The following GRID1 variants were observed in gnomAD, a reference collection of about 807,000 sequenced individuals.
The protein encoded by GRID1 is glutamate ionotropic receptor delta type subunit 1.
Under a neutral mutation model 98.0 loss-of-function variants are expected in GRID1, and 28 were observed. The ratio of observed to expected loss-of-function variants is 0.29; its 90% CI spans 0.21 to 0.39. The LOEUF (loss-of-function observed/expected upper bound fraction) is 0.39. GRID1 is among the 10% of genes least tolerant of loss of function. GRID1 has a pLI of 1.00. For missense variants in GRID1, 1,111 were observed against 1,340.5 expected, an observed-to-expected ratio of 0.83 and a Z score of 2.67; for synonymous variants, 553 against 538.5, an observed-to-expected ratio of 1.03 and a Z score of -0.37.
chr10:85,652,500 G>A (rs1044246291), intron 12 of GRID1, among the ~76,000 whole-genome samples: 2 of 152,178 alleles, frequency 1.3e-5, no homozygotes, highest in Non-Finnish European at 2.9e-5. Flanking sequence ...AGAATGTGGT[G>A]GAGTGGCTCA....
intron 8 of GRID1, among the ~76,000 whole-genome samples, chr10:85,848,729 T>C (rs1470491526): frequency 2.0e-5 from 3 of 152,232 alleles, no homozygotes; most frequent in Non-Finnish European, 4.4e-5. Flanking sequence ...TTAATGGGTA[T>C]GTATTGATAA....
chr10:85,860,100 C>T (rs1013234364), intron 6 of GRID1, among the ~76,000 whole-genome samples: 3 of 152,176 alleles, frequency 2.0e-5, no homozygotes, highest in African/African-American at 2.4e-5. Flanking sequence ...GGGCCAACAG[C>T]CCAGGCTGGA....
chr10:85,754,682 T>C (rs966321657), intron 8 of GRID1, among the ~76,000 whole-genome samples: 1 of 152,224 alleles, frequency 6.6e-6, no homozygotes, highest in Admixed American at 6.5e-5. Context: ...ACTTCTCATT[T>C]CCTTGACTTA....
intron 8 of GRID1, among the ~76,000 whole-genome samples, chr10:85,843,694 C>A (rs1917152): frequency 0.33 from 50,781 of 151,788 alleles, 9,128 homozygotes; most frequent in African/African-American, 0.45. Context: ...ACATAAAAAA[C>A]ATTCAACACC....
intron 12 of GRID1, among the ~76,000 whole-genome samples, chr10:85,661,633 G>A (rs1469968158): frequency 6.6e-6 from 1 of 152,114 alleles, no homozygotes; most frequent in Non-Finnish European, 1.5e-5. Context: ...TCACACCAAG[G>A]CTACAGCCAC....
chr10:86,322,607 C>T (rs1314926272), intron 2 of GRID1, among the ~76,000 whole-genome samples: 4 of 151,750 alleles, frequency 2.6e-5, no homozygotes, highest in Non-Finnish European at 5.9e-5. Context: ...TGTGGGGTTT[C>T]ACCAAGTTGG....
chr10:86,350,772 T>C (rs1448792900), intron 2 of GRID1, among the ~76,000 whole-genome samples: 1 of 152,194 alleles, frequency 6.6e-6, no homozygotes, highest in Non-Finnish European at 1.5e-5. Context: ...ACCTCAAACA[T>C]TCATCATTTC....
At chr10:85,854,738 A>G in intron 7 of GRID1, 123 bp from the exon 8 acceptor site, 3 of 901,556 alleles carry the variant, frequency 3.3e-6, no homozygotes, top group Non-Finnish European at 3.5e-6. Flanking sequence ...GACCATGGAC[A>G]GGCTGTAATG....
At chr10:86,140,185 C>T (rs66544556) in intron 3 of GRID1, among the ~76,000 whole-genome samples, 6,496 of 152,274 alleles carry the variant, frequency 0.043, 147 homozygotes, top group Non-Finnish European at 0.054. Flanking sequence ...TTGTGTCTGG[C>T]CCATCCTTGC....
chr10:85,982,204 A>AT (rs1842553014), intron 4 of GRID1, among the ~76,000 whole-genome samples: 1 of 152,014 alleles, frequency 6.6e-6, no homozygotes, highest in African/African-American at 2.4e-5. Flanking sequence ...AAAAAAAAAA[A>AT]AAAAATTGGG....
At chr10:86,252,445 C>T (rs1329997668) in intron 2 of GRID1, among the ~76,000 whole-genome samples, 2 of 152,212 alleles carry the variant, frequency 1.3e-5, no homozygotes, top group Non-Finnish European at 2.9e-5. Context: ...ACTCATCACA[C>T]TGCACTGTAA....
At chr10:86,032,067 T>C (rs1272444995) in intron 4 of GRID1, among the ~76,000 whole-genome samples, 2 of 152,236 alleles carry the variant, frequency 1.3e-5, no homozygotes, top group Non-Finnish European at 2.9e-5. Context: ...TATATCTATG[T>C]GGTTATCTGG....
chr10:86,175,229 T>A (rs1197055654), intron 3 of GRID1, among the ~76,000 whole-genome samples: 1 of 152,018 alleles, frequency 6.6e-6, no homozygotes, highest in Non-Finnish European at 1.5e-5. Context: ...TAGCCGCAGA[T>A]AGACTGTCTC....
chr10:86,095,352 G>A (rs908087638), intron 4 of GRID1, among the ~76,000 whole-genome samples: 1 of 152,130 alleles, frequency 6.6e-6, no homozygotes, highest in Non-Finnish European at 1.5e-5. Context: ...AAGATAAAAA[G>A]CTGGGAACTA....
intron 2 of GRID1, among the ~76,000 whole-genome samples, chr10:86,290,717 A>G (rs1847500267): frequency 6.6e-6 from 1 of 152,200 alleles, no homozygotes; most frequent in Non-Finnish European, 1.5e-5. Context: ...CCACAAAGAT[A>G]AAGCATGAAA....
intron 4 of GRID1, among the ~76,000 whole-genome samples, chr10:86,069,841 A>G (rs1843777754): frequency 6.6e-6 from 1 of 152,146 alleles, no homozygotes; most frequent in Non-Finnish European, 1.5e-5. Flanking sequence ...CTGGGGTGTG[A>G]TGTGTAGATA....
At chr10:86,079,938 G>A (rs781058484) in intron 4 of GRID1, among the ~76,000 whole-genome samples, 2 of 152,216 alleles carry the variant, frequency 1.3e-5, no homozygotes, top group African/African-American at 2.4e-5. Flanking sequence ...AGCTAGCAGG[G>A]AAATCTGAAA....
intron 3 of GRID1, among the ~76,000 whole-genome samples, chr10:86,175,233 C>T (rs1032500344): frequency 6.6e-6 from 1 of 151,932 alleles, no homozygotes; most frequent in Admixed American, 6.6e-5. Context: ...CGCAGATAGA[C>T]TGTCTCAACT....
chr10:85,932,966 G>T (rs1014376392), intron 4 of GRID1, among the ~76,000 whole-genome samples: 2 of 152,242 alleles, frequency 1.3e-5, no homozygotes, highest in East Asian at 1.9e-4. Context: ...GCTATGGTTC[G>T]AATGTATCCC....
Sources: gnomAD v4.1 joint callset for allele counts (sites outside exome capture counted in the v4.1 genomes callset) on GRCh38, gnomAD v4.1.1 for gene constraint, MANE v1.5 for transcripts, NCBI Gene and HGNC (gene_info 2026-07-23, HGNC 2026-07-21) for gene names.